MTMR8: variants seen among roughly 807,000 people sequenced by gnomAD.
MTMR8 encodes the protein phosphatidylinositol-3,5-bisphosphate 3-phosphatase MTMR8.
A neutral mutation model predicts 39.3 loss-of-function variants in MTMR8; 65 were observed. That is an observed-to-expected ratio of 1.65 (90% CI 1.35 to 2.03). MTMR8 has a LOEUF of 2.03. Among genes scored for constraint, MTMR8 ranks in the 30% most tolerant of loss-of-function variants. The pLI is 0.00. For missense variants in MTMR8, 777 were observed against 538.9 expected, an observed-to-expected ratio of 1.44 and a Z score of -4.37; for synonymous variants, 245 against 185.2, an observed-to-expected ratio of 1.32 and a Z score of -2.62.
At chrX:64,289,233 G>A (rs1175358826) in intron 12 of MTMR8, among the ~76,000 whole-genome samples, 1 of 110,264 alleles carries the variant, frequency 9.1e-6, no homozygotes, top group African/African-American at 3.3e-5. Flanking sequence ...CCATTAGAAT[G>A]GCTACTATCC....
intron 13 of MTMR8, 74 bp downstream of exon 13, chrX:64,270,873 T>C (rs113013154): frequency 9.0e-7 from 1 of 1,107,544 alleles, no homozygotes; most frequent in East Asian, 3.2e-5. Flanking sequence ...TCCACAAGTA[T>C]CAATTCAACT....
At chrX:64,315,633 A>T (rs148133585) in intron 12 of MTMR8, among the ~76,000 whole-genome samples, 1,448 of 110,417 alleles carry the variant, frequency 0.013, 12 homozygotes, top group Non-Finnish European at 0.018. Flanking sequence ...TGTCTATTTC[A>T]TTATAATTGA....
At chrX:64,303,043 G>A (rs1452723660) in intron 12 of MTMR8, among the ~76,000 whole-genome samples, 1 of 112,442 alleles carries the variant, frequency 8.9e-6, no homozygotes, top group Non-Finnish European at 1.9e-5. Flanking sequence ...AGTTTGCTGT[G>A]CGTTAATGCC....
chrX:64,375,327 C>G (rs1327129075), intron 1 of MTMR8, among the ~76,000 whole-genome samples: 1 of 108,929 alleles, frequency 9.2e-6, no homozygotes, highest in Admixed American at 9.8e-5. Context: ...TGCACTCCAC[C>G]CTGGGTGACA....
chrX:64,309,673 C>T (rs1321559970), intron 12 of MTMR8, among the ~76,000 whole-genome samples: 1 of 111,306 alleles, frequency 9.0e-6, no homozygotes, highest in African/African-American at 3.3e-5. Flanking sequence ...ACTGTCAAAC[C>T]TTGGAGATAA....
chrX:64,349,991 C>G lies in MTMR8; in HGVS notation c.548G>C (p.Arg183Thr). The G allele has an allele frequency of 8.3e-7, 1 of 1,197,940 alleles. No homozygotes were observed. Among genetic ancestry groups the G allele is most frequent in the East Asian group, 3.0e-5 (1 of 33,406 alleles). Residue 183 changes from arginine (R) to threonine (T), a missense_variant, in exon 5 of 14, where the codon AGA becomes ACA. Coordinates refer to ENST00000374852, the MANE Select transcript of MTMR8 (RefSeq NM_017677.4). ...GAGCACAGGGACACGTTCTTTACTT[C>G]TGAACTTTGAACTTCCAACCACCGT... ...LGTVVGSSKF[R>T]SKERVPVLSY...
chrX:64,357,855 T>C (rs1257339324), intron 2 of MTMR8, among the ~76,000 whole-genome samples: 2 of 111,731 alleles, frequency 1.8e-5, no homozygotes, highest in African/African-American at 6.5e-5. Flanking sequence ...TGTGTTTTGG[T>C]AGTACGATAC....
chrX:64,345,076 T>C lies in MTMR8; in HGVS notation c.834A>G (p.Val278=). Residue 278 remains valine (V), a synonymous_variant, in exon 7 of 14, where the codon GTA becomes GTG. Transcript: ENST00000374852. ...FRFMGIENIH[V]MRSSLQKLLE... Reference sequence around the variant, plus strand: ...AGAGTTTCTGCAGACTGCTCCGCATTACATGGATGTTCTCAATGCCCATGA... The same window carrying C: ...AGAGTTTCTGCAGACTGCTCCGCATCACATGGATGTTCTCAATGCCCATGA... 4 of 1,211,463 alleles carry C rather than the reference T, an allele frequency of 3.3e-6. No individual in the cohort carries two copies. Among genetic ancestry groups the C allele is most frequent in the Non-Finnish European group, 4.5e-6 (4 of 895,192 alleles).
intron 12 of MTMR8, among the ~76,000 whole-genome samples, chrX:64,308,510 T>C (rs1361962886): frequency 2.7e-5 from 3 of 110,028 alleles, no homozygotes; most frequent in Admixed American, 9.7e-5. Context: ...TTTAGTTTTT[T>C]GGCTTTCCTA....
intron 1 of MTMR8, among the ~76,000 whole-genome samples, chrX:64,364,181 C>A (rs891016185): frequency 8.9e-6 from 1 of 112,629 alleles, no homozygotes; most frequent in Admixed American, 9.3e-5. Context: ...CAAAAGGCAG[C>A]AGAAACTGCT....
At chrX:64,378,380 C>T (rs1924325115) in intron 1 of MTMR8, among the ~76,000 whole-genome samples, 2 of 111,238 alleles carry the variant, frequency 1.8e-5, no homozygotes, top group African/African-American at 6.5e-5. Flanking sequence ...ATCACCATGC[C>T]AACATAATTT....
chrX:64,328,513 G>A (rs184576400), intron 12 of MTMR8, among the ~76,000 whole-genome samples: 10 of 111,272 alleles, frequency 9.0e-5, no homozygotes, highest in East Asian at 5.6e-4. Flanking sequence ...TCAAACAAAC[G>A]TTATCTTGAC....
intron 12 of MTMR8, among the ~76,000 whole-genome samples, chrX:64,310,393 C>T (rs948509743): frequency 9.0e-6 from 1 of 111,575 alleles, no homozygotes; most frequent in Non-Finnish European, 1.9e-5. Context: ...ATATCCTCCA[C>T]TGAAGTCTTG....
chrX:64,356,269 G>A lies in MTMR8; in HGVS notation c.217C>T (p.Arg73Cys), dbSNP rs146567942. The A allele has an allele frequency of 1.2e-4, 143 of 1,207,862 alleles. No homozygotes were observed. Among genetic ancestry groups the A allele is most frequent in the East Asian group, 9.2e-4 (31 of 33,674 alleles). ...ITSLGCPLTL[R>C]CKNFRVAHFV... ...TGGGCCACCCGGAAATTCTTGCAGC[G>A]GAGGGTCAGGGGACAACCCAGGCTA... The change falls in exon 3 of 14, where the codon CGC (arginine) becomes TGC (cysteine). Residue 73 changes from arginine to cysteine, a missense_variant. Transcript: ENST00000374852.
At chrX:64,374,186 A>G (rs1183879895) in intron 1 of MTMR8, among the ~76,000 whole-genome samples, 1 of 111,922 alleles carries the variant, frequency 8.9e-6, no homozygotes, top group Non-Finnish European at 1.9e-5. Context: ...GCAACATAAC[A>G]AAAGACATCC....
intron 12 of MTMR8, among the ~76,000 whole-genome samples, chrX:64,304,608 T>G (rs1922016794): frequency 9.1e-6 from 1 of 109,292 alleles, no homozygotes; most frequent in African/African-American, 3.3e-5. Context: ...CCCCTCAGTT[T>G]ATATAGAGTA....
chrX:64,363,713 C>A (rs926305922), intron 1 of MTMR8, among the ~76,000 whole-genome samples: 4 of 111,673 alleles, frequency 3.6e-5, no homozygotes, highest in African/African-American at 1.3e-4. Context: ...AACTGAGGTA[C>A]CTGGTTCATC....
intron 12 of MTMR8, among the ~76,000 whole-genome samples, chrX:64,315,172 C>T (rs1449678415): frequency 2.7e-5 from 3 of 112,138 alleles, no homozygotes; most frequent in Non-Finnish European, 5.6e-5. Flanking sequence ...TCTCTCCCTG[C>T]CAACTCAAGT....
rs765300317 is a variant in MTMR8 at position 64,350,088 on chromosome X, C to G, written c.469-18G>C. On this transcript the variant is annotated intron_variant, in intron 4 of 13. Coordinates refer to ENST00000374852, the MANE Select transcript of MTMR8 (RefSeq NM_017677.4). ...CTGCATATCTAAAAGAAAATAAGCA[C>G]AATATATATAAATATATATTTATAC... 2.1e-6 allele frequency: 2 copies of G among 970,547 alleles called. No homozygotes were observed. Among genetic ancestry groups the G allele is most frequent in the South Asian group, 3.2e-5 (1 of 31,220 alleles). The allele number at this position is 970,547 out of a possible 1,213,427, so 80.0% of individuals were successfully genotyped here. A position where few individuals can be genotyped will look rare whatever the true frequency, so the allele number is the denominator to read the frequency against.
Sources: gnomAD v4.1 joint callset for allele counts (sites outside exome capture counted in the v4.1 genomes callset) on GRCh38, gnomAD v4.1.1 for gene constraint, MANE v1.5 for transcripts, NCBI Gene and HGNC (gene_info 2026-07-23, HGNC 2026-07-21) for gene names.